Variants in SCNN1B observed in about 807,000 individuals in gnomAD.
SCNN1B encodes sodium channel epithelial 1 subunit beta.
A neutral mutation model predicts 65.3 loss-of-function variants in SCNN1B; 46 were observed. That is an observed-to-expected ratio of 0.70 (90% CI 0.56 to 0.90). The LOEUF is 0.90. Ranked by LOEUF, SCNN1B falls within the 40% of genes least tolerant of loss-of-function variation. The pLI is 0.00. For missense variants in SCNN1B, 751 were observed against 830.5 expected, an observed-to-expected ratio of 0.90 and a Z score of 1.18; for synonymous variants, 349 against 330.6, an observed-to-expected ratio of 1.06 and a Z score of -0.60.
chr16:23,346,141 T>A (rs914250583), intron 1 of SCNN1B, among the ~76,000 whole-genome samples: 3 of 148,098 alleles, frequency 2.0e-5, no homozygotes, highest in African/African-American at 7.6e-5. Context: ...AACCTCATGC[T>A]CCGGACACAA....
chr16:23,371,167 C>A, intron 5 of SCNN1B, 132 bp from the exon 6 acceptor site: 1 of 969,960 alleles, frequency 1.0e-6, no homozygotes, highest in East Asian at 2.6e-5. Flanking sequence ...TGAGTTTTTG[C>A]AAAGTGGAGC....
rs1470977333 is a variant in SCNN1B, at chr16:23,311,936, C to A, written c.-9+9499C>A. On this transcript the variant is annotated intron_variant, in intron 1 of 12. Transcript: ENST00000343070. ...ACAGGGCAGAGACCCCTGCCTCCAG[C>A]ACCCAACACCCACCCTCCCTCCCTG... 3.9e-5 allele frequency among the ~76,000 whole-genome samples: 6 copies of A among 152,250 alleles called. No homozygotes were observed. The South Asian group carries it at 1.2e-3, about 32-fold the overall frequency.
At chr16:23,307,251 C>G (rs1167634591) in intron 1 of SCNN1B, among the ~76,000 whole-genome samples, 1 of 150,886 alleles carries the variant, frequency 6.6e-6, no homozygotes. Flanking sequence ...ATCTAGCACA[C>G]AGCAACTGCT....
intron 1 of SCNN1B, among the ~76,000 whole-genome samples, chr16:23,329,176 A>ATCATGGC (rs549470570): frequency 7.9e-4 from 120 of 151,436 alleles, no homozygotes; most frequent in African/African-American, 2.8e-3. Flanking sequence ...CAATGGTGCA[A>ATCATGGC]TCATGGCTCA....
intron 1 of SCNN1B, among the ~76,000 whole-genome samples, chr16:23,315,640 T>C (rs1164331575): frequency 6.6e-6 from 1 of 152,144 alleles, no homozygotes; most frequent in Non-Finnish European, 1.5e-5. Context: ...AGACTCTCTC[T>C]ATAAATTCTT....
At position 23,377,366 on chromosome 16, in the gene SCNN1B, T is replaced by G; in HGVS notation, c.1384T>G (p.Trp462Gly). ...QYKMTISMADWPSEASEDWIF... is the reference protein window; with the variant it reads ...QYKMTISMADGPSEASEDWIF... ...CAAGATGACCATCTCCATGGCTGAC[T>G]GGCCTTCTGAGGCCTCCGAGGTGAG... Residue 462 changes from tryptophan (W) to glycine (G), a missense_variant, in exon 10 of 13, where the codon TGG becomes GGG. Physicochemically the swap from Trp to Gly is radical, Grantham distance 184. Transcript: ENST00000343070. 6.2e-7 allele frequency: 1 copy of G among 1,614,206 alleles called. No homozygotes were observed. The highest frequency in any genetic ancestry group is 8.5e-7 in the Non-Finnish European group (1 of 1,180,032).
chr16:23,331,058 T>C (rs1039916896), intron 1 of SCNN1B, among the ~76,000 whole-genome samples: 2 of 152,200 alleles, frequency 1.3e-5, no homozygotes, highest in African/African-American at 4.8e-5. Context: ...CTTGCCATGA[T>C]TCATCTTCCA....
intron 1 of SCNN1B, among the ~76,000 whole-genome samples, chr16:23,330,329 A>C (rs1187624541): frequency 6.6e-6 from 1 of 152,202 alleles, no homozygotes; most frequent in African/African-American, 2.4e-5. Flanking sequence ...AGGCACAAGC[A>C]GCTGTTCTGA....
At position 23,287,667 on chromosome 16, in the gene SCNN1B, C is replaced by T. The variant is rs971358545; in HGVS notation, n.178+3863C>T. On this transcript the variant is annotated intron_variant and non_coding_transcript_variant, in intron 2 of 3. Transcript: ENST00000569789. ...ATGAGGAAGGAGGATCACCTGAGCC[C>T]GGGGAGGTTGAGGCTCCAGTGAGCT... Among the ~76,000 whole-genome samples, 6 of 152,052 alleles carry T rather than the reference C, an allele frequency of 3.9e-5. No individual in the cohort carries two copies. The South Asian group carries it at 8.3e-4, about 21-fold the overall frequency.
At chr16:23,316,754 CTCACCATCA>C (rs950044736) in intron 1 of SCNN1B, among the ~76,000 whole-genome samples, 8 of 144,612 alleles carry the variant, frequency 5.5e-5, no homozygotes, top group Non-Finnish European at 6.2e-5. Flanking sequence ...TGTCACCATC[CTCACCATCA>C]TCACCATCAC....
chr16:23,343,250 C>T (rs945171746), intron 1 of SCNN1B, among the ~76,000 whole-genome samples: 2 of 151,580 alleles, frequency 1.3e-5, no homozygotes, highest in Admixed American at 1.3e-4. Flanking sequence ...GTCAGGAGAT[C>T]GAGACCAGCC....
chr16:23,308,204 TA>T (rs1262939679), intron 1 of SCNN1B, among the ~76,000 whole-genome samples: 1 of 151,602 alleles, frequency 6.6e-6, no homozygotes, highest in Non-Finnish European at 1.5e-5. Flanking sequence ...ACTCTGTCTC[TA>T]AAAAAGTAAC....
At chr16:23,297,052 C>T (rs1016268122) in intron 2 of SCNN1B, among the ~76,000 whole-genome samples, 16 of 151,272 alleles carry the variant, frequency 1.1e-4, no homozygotes, top group African/African-American at 3.6e-4. Context: ...TGCCTTTGAT[C>T]AATGGAATAA....
chr16:23,323,551 C>A, intron 1 of SCNN1B: 1 of 702,992 alleles, frequency 1.4e-6, no homozygotes, highest in East Asian at 2.7e-5. Context: ...CCTCATTTTA[C>A]AGATGGGGAA....
chr16:23,352,807 C>G lies in SCNN1B; in HGVS notation c.318C>G (p.Ser106=). The change falls in exon 3 of 13, where the codon TCC becomes TCG. Residue 106 remains serine (S), a synonymous_variant. Coordinates refer to ENST00000343070, the MANE Select transcript of SCNN1B (RefSeq NM_000336.3). Reference sequence around the variant, plus strand: ...CAGCCCTCTCCCCATCCAGGTATTCCAAAATCAAGCATTTGCTGAAGGACC... The same window carrying G: ...CAGCCCTCTCCCCATCCAGGTATTCGAAAATCAAGCATTTGCTGAAGGACC... ...TICNASPFKY[S]KIKHLLKDLD... The G allele has an allele frequency of 1.9e-6, 3 of 1,614,088 alleles. No individual in the cohort carries two copies. The highest frequency in any genetic ancestry group is 2.5e-6 in the Non-Finnish European group (3 of 1,180,036).
intron 2 of SCNN1B, among the ~76,000 whole-genome samples, chr16:23,293,437 T>C (rs141405422): frequency 2.8e-3 from 423 of 152,302 alleles, no homozygotes; most frequent in African/African-American, 9.9e-3. Context: ...ACGAGTTTGA[T>C]TCCACTTATA....
At chr16:23,330,147 G>A (rs1325455590) in intron 1 of SCNN1B, among the ~76,000 whole-genome samples, 1 of 152,192 alleles carries the variant, frequency 6.6e-6, no homozygotes, top group Non-Finnish European at 1.5e-5. Flanking sequence ...CCCATGTGTC[G>A]CCTTTGAGGG....
At chr16:23,363,787 C>G (rs909909815) in intron 4 of SCNN1B, among the ~76,000 whole-genome samples, 3 of 151,644 alleles carry the variant, frequency 2.0e-5, no homozygotes, top group African/African-American at 7.3e-5. Context: ...GCACTCCAGC[C>G]TGGGCAACAG....
chr16:23,331,069 T>A (rs1222669221), intron 1 of SCNN1B, among the ~76,000 whole-genome samples: 1 of 152,180 alleles, frequency 6.6e-6, no homozygotes, highest in African/African-American at 2.4e-5. Context: ...TCATCTTCCA[T>A]CTCAGGACCA....
Sources: allele counts gnomAD v4.1 joint callset (sites outside exome capture counted in the v4.1 genomes callset), GRCh38; gene constraint gnomAD v4.1.1; transcripts MANE v1.5; gene names NCBI Gene and HGNC (gene_info 2026-07-23, HGNC 2026-07-21).